Variants in NCOA2 observed in about 807,000 individuals in gnomAD.
The protein encoded by NCOA2 is class E basic helix-loop-helix protein 75.
NCOA2 carries 21 observed loss-of-function variants against 145.1 expected under a neutral mutation model. That is an observed-to-expected ratio of 0.14 (90% CI 0.10 to 0.21). The LOEUF is 0.21. Ranked by LOEUF, NCOA2 falls within the 10% of genes least tolerant of loss-of-function variation. The pLI, the probability that NCOA2 is intolerant of heterozygous loss-of-function variation, is 1.00. For missense variants in NCOA2, 1,472 were observed against 1,837.6 expected (o/e 0.80, Z 3.64); for synonymous variants, 619 against 637.5 (o/e 0.97, Z 0.44).
intron 1 of NCOA2, among the ~76,000 whole-genome samples, chr8:70,298,426 A>G (rs1376494923): frequency 6.6e-6 from 1 of 152,224 alleles, no homozygotes; most frequent in Non-Finnish European, 1.5e-5. Context: ...AAAAGAATCT[A>G]TATGCAAATA....
intron 11 of NCOA2, among the ~76,000 whole-genome samples, chr8:70,154,058 T>C (rs1210160142): frequency 6.6e-6 from 1 of 152,228 alleles, no homozygotes; most frequent in Non-Finnish European, 1.5e-5. Flanking sequence ...TTGGCTTCCC[T>C]GAGGATGGCT....
chr8:70,352,238 G>A (rs545039164), intron 1 of NCOA2, among the ~76,000 whole-genome samples: 2 of 152,156 alleles, frequency 1.3e-5, no homozygotes, highest in South Asian at 4.2e-4. Context: ...TTAATCGTTA[G>A]GTAAGTGCTA....
intron 4 of NCOA2, among the ~76,000 whole-genome samples, chr8:70,192,819 A>G (rs1385071241): frequency 2.0e-5 from 3 of 152,304 alleles, no homozygotes; most frequent in East Asian, 1.9e-4. Flanking sequence ...CTGTAATCCC[A>G]GCACTTTGGG....
intron 1 of NCOA2, among the ~76,000 whole-genome samples, chr8:70,370,051 A>C (rs1194160716): frequency 6.6e-6 from 1 of 152,058 alleles, no homozygotes; most frequent in Non-Finnish European, 1.5e-5. Context: ...ACAAAGGGCT[A>C]CTTTTTTATT....
chr8:70,341,085 A>G (rs1054680899), intron 1 of NCOA2, among the ~76,000 whole-genome samples: 21 of 149,592 alleles, frequency 1.4e-4, no homozygotes, highest in African/African-American at 4.6e-4. Flanking sequence ...AAAAGTTGAA[A>G]AAAAAAAAAA....
At chr8:70,433,182 A>G in the NCOA2 span, among the ~76,000 whole-genome samples, 1 of 152,214 alleles carries the variant, frequency 6.6e-6, no homozygotes, top group Non-Finnish European at 1.5e-5. Flanking sequence ...GTCTCATAAC[A>G]TAATTCTATT....
In NCOA2 at chr8:70,307,519, C is replaced by T. The variant is rs116699693; in HGVS notation, c.-76-10719G>A. On this transcript the variant is annotated intron_variant, in intron 1 of 22. Coordinates refer to ENST00000452400, the MANE Select transcript of NCOA2 (RefSeq NM_006540.4). Reference sequence around the variant, plus strand: ...TCATTTTGATGAAAATCTGAAATTACTTAACATATGGATATGCTAAATCAT... The same window carrying T: ...TCATTTTGATGAAAATCTGAAATTATTTAACATATGGATATGCTAAATCAT... Among the ~76,000 whole-genome samples the T allele has an allele frequency of 5.9e-3, 898 of 152,304 alleles. 5 individuals carry two copies. The highest frequency in any genetic ancestry group is 0.02 in the African/African-American group (838 of 41,576).
At chr8:70,200,084 TATA>T (rs1393989397) in intron 4 of NCOA2, among the ~76,000 whole-genome samples, 2 of 152,268 alleles carry the variant, frequency 1.3e-5, no homozygotes, top group East Asian at 1.9e-4. Flanking sequence ...TTACATATTA[TATA>T]ATAAGTAATC....
intron 2 of NCOA2, among the ~76,000 whole-genome samples, chr8:70,281,441 C>G (rs1825874917): frequency 6.8e-6 from 1 of 147,966 alleles, no homozygotes; most frequent in Non-Finnish European, 1.5e-5. Flanking sequence ...TAACTTAAAT[C>G]TCTCTTCCAC....
Position 70,148,312 on chromosome 8 carries a change from C to G in NCOA2, c.2566G>C (p.Val856Leu). 6.2e-7 allele frequency: 1 copy of G among 1,614,026 alleles called. No individual in the cohort carries two copies. The highest frequency in any genetic ancestry group is 2.2e-5 in the East Asian group (1 of 44,886). Residue 856 changes from valine (V) to leucine (L), a missense_variant, in exon 12 of 23, where the codon GTT (valine) becomes CTT (leucine). Physicochemically the swap from Val to Leu is conservative, Grantham distance 32 (BLOSUM62 1). Around this residue, in one of 4 missense-constraint regions of NCOA2, gnomAD observed 953 missense variants for 1,062.1 expected, o/e 0.90. Coordinates refer to ENST00000452400, the MANE Select transcript of NCOA2 (RefSeq NM_006540.4). ...CGCAGTGCTGTTTTCTGGGCTCCAA[C>G]AGGTGTGACAGGGCTGTTTTCAGCT... is the stretch of plus-strand genomic sequence containing the variant. ...LTAENSPVTP[V>L]GAQKTALRIS... is the part of the protein sequence containing the mutation.
At chr8:70,372,745 C>A (rs1811332105) in intron 1 of NCOA2, among the ~76,000 whole-genome samples, 1 of 152,174 alleles carries the variant, frequency 6.6e-6, no homozygotes, top group Admixed American at 6.5e-5. Flanking sequence ...TTCTACCATT[C>A]CAAAAAGTGC....
At chr8:70,291,267 C>T (rs1360107966) in intron 2 of NCOA2, among the ~76,000 whole-genome samples, 1 of 152,172 alleles carries the variant, frequency 6.6e-6, no homozygotes, top group African/African-American at 2.4e-5. Context: ...ATGGCCCACC[C>T]TAACTTTCTC....
At chr8:70,210,081 T>C (rs1818858301) in intron 4 of NCOA2, among the ~76,000 whole-genome samples, 1 of 152,218 alleles carries the variant, frequency 6.6e-6, no homozygotes. Context: ...GTGATGACAG[T>C]GCAGATTCCA....
At chr8:70,428,760 G>A in the NCOA2 span, among the ~76,000 whole-genome samples, 6 of 152,098 alleles carry the variant, frequency 3.9e-5, no homozygotes, top group African/African-American at 1.4e-4. Context: ...TTAGCAGTGT[G>A]CCCAAAGCAA....
chr8:70,326,429 T>TCA (rs56218328), intron 1 of NCOA2, among the ~76,000 whole-genome samples: 5,586 of 149,194 alleles, frequency 0.037, 204 homozygotes, highest in African/African-American at 0.1. Flanking sequence ...TTTCTCTCTC[T>TCA]CACACACACA....
At chr8:70,219,595 C>T (rs548723192) in intron 2 of NCOA2, among the ~76,000 whole-genome samples, 1 of 152,016 alleles carries the variant, frequency 6.6e-6, no homozygotes, top group East Asian at 1.9e-4. Flanking sequence ...TGAATCACTG[C>T]AAATCACCCA....
chr8:70,114,120 T>C (rs2131158104), intron 22 of NCOA2, among the ~76,000 whole-genome samples: 2 of 152,304 alleles, frequency 1.3e-5, no homozygotes, highest in East Asian at 3.9e-4. Flanking sequence ...CCTAATCAGA[T>C]ACTCCCAAGG....
chr8:70,133,188 A>G (rs1326772250), intron 15 of NCOA2, among the ~76,000 whole-genome samples: 2 of 140,438 alleles, frequency 1.4e-5, no homozygotes, highest in Non-Finnish European at 3.0e-5. Context: ...GTGCCACCAC[A>G]ACTGGCTGCT....
At chr8:70,182,085 CAT>C (rs1159764149) in intron 4 of NCOA2, among the ~76,000 whole-genome samples, 1 of 152,234 alleles carries the variant, frequency 6.6e-6, no homozygotes, top group Non-Finnish European at 1.5e-5. Flanking sequence ...ATTCTGCTAA[CAT>C]AAAAACACAA....
Sources: gnomAD v4.1 joint callset for allele counts (sites outside exome capture counted in the v4.1 genomes callset) on GRCh38, gnomAD v4.1.1 for gene constraint, gnomAD v4.1.1 regional missense constraint, MANE v1.5 for transcripts, NCBI Gene and HGNC (gene_info 2026-07-23, HGNC 2026-07-21) for gene names.